Variants in TLE4 observed in about 807,000 individuals in gnomAD.
TLE4 encodes the protein transducin-like enhancer protein 4.
A neutral mutation model predicts 92.8 loss-of-function variants in TLE4; 8 were observed. The observed-to-expected ratio is 0.09, with a 90% CI of 0.05 to 0.16. The LOEUF (loss-of-function observed/expected upper bound fraction) is 0.16. Among genes scored for constraint, TLE4 ranks in the 10% least tolerant of loss-of-function variants. TLE4 has a pLI of 1.00. For missense variants in TLE4, 675 were observed against 997.6 expected, an observed-to-expected ratio of 0.68 and a Z score of 4.36; for synonymous variants, 371 against 374.1, an observed-to-expected ratio of 0.99 and a Z score of 0.10.
intron 10 of TLE4, 126 bp from the exon 11 acceptor site, chr9:79,706,621 C>T: frequency 8.2e-7 from 1 of 1,212,592 alleles, no homozygotes; most frequent in African/African-American, 1.5e-5. Context: ...GTATTGTTAT[C>T]TGTTCTAGCA....
At chr9:79,667,959 T>G (rs1376692147) in intron 8 of TLE4, among the ~76,000 whole-genome samples, 1 of 152,244 alleles carries the variant, frequency 6.6e-6, no homozygotes, top group Non-Finnish European at 1.5e-5. Context: ...ACAGAAATAT[T>G]TGAAGAGCCC....
rs2075691300 is a variant in TLE4, at chr9:79,721,875, A to G, written c.1973A>G (p.Asp658Gly). 1 of 1,613,214 alleles carries G rather than the reference A, an allele frequency of 6.2e-7. No individual in the cohort carries two copies. ...GAGGGGCGGCAGCTGCAGCAGCACG[A>G]CTTCACCTCCCAGGTATGATCCGTG... is the stretch of plus-strand genomic sequence containing the variant. ...LREGRQLQQH[D>G]FTSQIFSLGY... The change falls in exon 17 of 20, where the codon GAC becomes GGC. Residue 658 changes from aspartate (D) to glycine (G), a missense_variant. Around this residue, in one of 5 missense-constraint regions of TLE4, gnomAD observed 170 missense variants for 359.6 expected, o/e 0.47. Transcript: ENST00000376552.
chr9:79,723,066 GT>G (rs764864739), intron 19 of TLE4, 31 bp downstream of exon 19: 3 of 1,593,104 alleles, frequency 1.9e-6, no homozygotes, highest in Non-Finnish European at 8.6e-7. Context: ...TACCACTTAT[GT>G]TTGTTTAATC....
chr9:79,707,192 A>T, intron 11 of TLE4: 1 of 1,612,842 alleles, frequency 6.2e-7, no homozygotes, highest in Non-Finnish European at 8.5e-7. Flanking sequence ...GGGGTTACAG[A>T]GATGGTTTTG....
rs546587951 is a variant in TLE4 at position 79,674,972 on chromosome 9, T to G, written c.609+20897T>G. On this transcript the variant is annotated intron_variant, in intron 8 of 19. Transcript: ENST00000376552. ...TAGGAATATTCTTGCAGTAACAGAA[T>G]CCCCCAATTTGGATTTTCTAGCTTG... 2.6e-5 allele frequency among the ~76,000 whole-genome samples: 4 copies of G among 152,218 alleles called. No homozygotes were observed. The East Asian group carries it at 7.7e-4, about 29-fold the overall frequency.
intron 5 of TLE4, among the ~76,000 whole-genome samples, chr9:79,624,451 C>A (rs1418920689): frequency 1.3e-5 from 2 of 152,080 alleles, no homozygotes; most frequent in Non-Finnish European, 2.9e-5. Context: ...TCAAAAGGTC[C>A]TTAAACAGTG....
chr9:79,644,741 T>G (rs1345230259), intron 6 of TLE4, among the ~76,000 whole-genome samples: 1 of 152,236 alleles, frequency 6.6e-6, no homozygotes, highest in Non-Finnish European at 1.5e-5. Context: ...TGCTGCTCTA[T>G]TTCAGAGTCT....
chr9:79,700,281 C>G (rs1021775974), intron 8 of TLE4, among the ~76,000 whole-genome samples: 2 of 152,228 alleles, frequency 1.3e-5, no homozygotes, highest in African/African-American at 4.8e-5. Flanking sequence ...CAGAGAGATG[C>G]TCTTGCCTGC....
intron 14 of TLE4, among the ~76,000 whole-genome samples, chr9:79,717,091 C>T (rs1344939393): frequency 1.3e-5 from 2 of 152,192 alleles, no homozygotes; most frequent in African/African-American, 4.8e-5. Flanking sequence ...CTTTTCACTG[C>T]ATAATCTGCT....
At chr9:79,626,563 G>A (rs989212139) in intron 5 of TLE4, among the ~76,000 whole-genome samples, 1 of 152,132 alleles carries the variant, frequency 6.6e-6, no homozygotes, top group African/African-American at 2.4e-5. Flanking sequence ...GGTAATTCTT[G>A]TAAGCACTTC....
intron 6 of TLE4, among the ~76,000 whole-genome samples, chr9:79,651,547 C>T (rs1358151016): frequency 2.6e-5 from 4 of 152,206 alleles, no homozygotes; most frequent in Non-Finnish European, 5.9e-5. Context: ...TGTCACAACA[C>T]AGAGTCGGCC....
chr9:79,601,464 T>C (rs1309412881), intron 4 of TLE4: 1 of 455,454 alleles, frequency 2.2e-6, no homozygotes, highest in Non-Finnish European at 4.4e-6. Flanking sequence ...ATGGAGCTGT[T>C]CTTCCAATAG....
At chr9:79,594,856 G>A (rs2043562845) in intron 4 of TLE4, among the ~76,000 whole-genome samples, 1 of 152,176 alleles carries the variant, frequency 6.6e-6, no homozygotes, top group Admixed American at 6.5e-5. Flanking sequence ...TTAAGCGTAA[G>A]TTTAAGGGAG....
At chr9:79,703,528 C>T (rs1466719588) in intron 8 of TLE4, among the ~76,000 whole-genome samples, 1 of 152,132 alleles carries the variant, frequency 6.6e-6, no homozygotes, top group Non-Finnish European at 1.5e-5. Context: ...TAAATGTGCC[C>T]AATAACCACC....
intron 6 of TLE4, among the ~76,000 whole-genome samples, chr9:79,643,155 T>C (rs2057490222): frequency 6.6e-6 from 1 of 152,216 alleles, no homozygotes; most frequent in Non-Finnish European, 1.5e-5. Context: ...GAATGAATAG[T>C]AGAGCAAACA....
chr9:79,677,111 C>A (rs191866722), intron 8 of TLE4, among the ~76,000 whole-genome samples: 130 of 152,128 alleles, frequency 8.5e-4, no homozygotes, highest in Non-Finnish European at 1.5e-3. Flanking sequence ...CAACTAGATT[C>A]TTTTTAATAG....
intron 8 of TLE4, among the ~76,000 whole-genome samples, chr9:79,702,243 T>C (rs1057133703): frequency 6.6e-6 from 1 of 152,110 alleles, no homozygotes; most frequent in Admixed American, 6.5e-5. Flanking sequence ...ATTTGGAATT[T>C]TTTTCCCCCT....
intron 16 of TLE4, 151 bp from the exon 17 acceptor site, chr9:79,721,590 G>A (rs1477757059): frequency 1.0e-5 from 13 of 1,238,540 alleles, no homozygotes; most frequent in African/African-American, 1.5e-5. Flanking sequence ...TATATGCTTT[G>A]TTATTACTTT....
chr9:79,581,332 G>T (rs1051437558), intron 4 of TLE4, among the ~76,000 whole-genome samples: 3 of 152,248 alleles, frequency 2.0e-5, no homozygotes, highest in Non-Finnish European at 4.4e-5. Context: ...ACGGGAAGCA[G>T]ATCTGGAGGA....
Sources: gnomAD v4.1 joint callset for allele counts (sites outside exome capture counted in the v4.1 genomes callset) on GRCh38, gnomAD v4.1.1 for gene constraint, gnomAD v4.1.1 regional missense constraint, MANE v1.5 for transcripts, NCBI Gene and HGNC (gene_info 2026-07-23, HGNC 2026-07-21) for gene names.